Variants in SH2D3C observed in about 807,000 individuals in gnomAD.
SH2D3C encodes the protein SH2 domain-containing protein 3C.
Under a neutral mutation model 75.2 loss-of-function variants are expected in SH2D3C, and 25 were observed. The ratio of observed to expected loss-of-function variants is 0.33; its 90% CI spans 0.24 to 0.46. SH2D3C has a LOEUF of 0.46. Ranked by LOEUF, SH2D3C falls within the 20% of genes least tolerant of loss-of-function variation. The pLI is 1.00. For synonymous variants in SH2D3C, 450 were observed against 473.7 expected (o/e 0.95, Z 0.65); for missense variants, 933 against 1,165.3 (o/e 0.80, Z 2.90).
At chr9:127,762,480 A>C (rs1588517326) in intron 2 of SH2D3C, 1 of 488,718 alleles carries the variant, frequency 2.0e-6, no homozygotes, top group Non-Finnish European at 4.1e-6. Flanking sequence ...CCCCCTCCCC[A>C]TCTTCCCCGT....
rs199747871 is a variant in SH2D3C at position 127,774,280 on chromosome 9, G to A, written c.225C>T (p.Ser75=). 226 of 1,613,976 alleles carry A rather than the reference G, an allele frequency of 1.4e-4. No homozygotes were observed. The highest frequency in any genetic ancestry group is 1.8e-4 in the Non-Finnish European group (208 of 1,180,006). ...PAYARSSDMY[S]HMGTMPRPSI... ...TGGGGCGAGGCATGGTGCCCATGTGGCTGTACATGTCACTGGAGCGGGCAT... is the reference window on the plus strand; with the variant it reads ...TGGGGCGAGGCATGGTGCCCATGTGACTGTACATGTCACTGGAGCGGGCAT... The change falls in exon 2 of 12, where the codon AGC becomes AGT. Residue 75 remains serine, a synonymous_variant. Transcript: ENST00000314830. The surrounding 1 kb of genome is among the most constrained non-coding windows in gnomAD (Gnocchi z 4.3).
chr9:127,748,635 C>T (rs554327023), intron 5 of SH2D3C, among the ~76,000 whole-genome samples: 10 of 152,212 alleles, frequency 6.6e-5, no homozygotes, highest in Non-Finnish European at 8.8e-5. Flanking sequence ...TGAGATTGGG[C>T]ACATACAGCA....
intron 2 of SH2D3C, among the ~76,000 whole-genome samples, chr9:127,770,350 C>T (rs985374142): frequency 6.6e-6 from 1 of 152,174 alleles, no homozygotes; most frequent in Non-Finnish European, 1.5e-5. Context: ...CCTCTAGACA[C>T]TCAGGAACAG....
intron 1 of SH2D3C, among the ~76,000 whole-genome samples, chr9:127,777,624 G>T (rs1829047370): frequency 6.6e-6 from 1 of 152,132 alleles, no homozygotes; most frequent in South Asian, 2.1e-4. Flanking sequence ...GCGGGCAGGG[G>T]ATGGAGTGTG....
rs995199791 is a variant in SH2D3C, at chr9:127,774,904, A to G, written c.38-437T>C. 1.3e-5 allele frequency among the ~76,000 whole-genome samples: 2 copies of G among 152,138 alleles called. No homozygotes were observed. The highest frequency in any genetic ancestry group is 4.8e-5 in the African/African-American group (2 of 41,422). On this transcript the variant is annotated intron_variant, in intron 1 of 11. Transcript: ENST00000314830. This position sits in a 1 kb window ranked among gnomAD's most constrained non-coding sequence, Gnocchi z 4.3. ...CAGGAGTTCGAGACCAGCCTGGACA[A>G]CATGATGAAACCCCTTCTCTACTAA...
intron 9 of SH2D3C, among the ~76,000 whole-genome samples, chr9:127,740,872 G>C (rs565904246): frequency 1.3e-5 from 2 of 152,064 alleles, no homozygotes; most frequent in Non-Finnish European, 2.9e-5. Flanking sequence ...TAGTAGAGAC[G>C]GGGTTTCACC....
At position 127,754,134 on chromosome 9, in the gene SH2D3C, GCA is replaced by G. The variant is rs1845283136; in HGVS notation, c.556-2836_556-2835del. Among the ~76,000 whole-genome samples the G allele has an allele frequency of 6.6e-6, 1 of 152,190 alleles. No homozygotes were observed. Among genetic ancestry groups the G allele is most frequent in the Non-Finnish European group, 1.5e-5 (1 of 68,004 alleles). On this transcript the variant is annotated intron_variant, in intron 3 of 11. Transcript: ENST00000314830. This position sits in a 1 kb window ranked among gnomAD's most constrained non-coding sequence, Gnocchi z 4.4. ...GAGTTGGGGGTGCTGGGGTGCGAAT[GCA>G]GCATCCCTGCGCTCGGCGCCCTGCT...
chr9:127,749,095 C>T lies in SH2D3C; in HGVS notation c.1139+116G>A. On this transcript the variant is annotated intron_variant, in intron 5 of 11. Coordinates refer to ENST00000314830, the MANE Select transcript of SH2D3C (RefSeq NM_170600.3). The surrounding 1 kb of genome is among the most constrained non-coding windows in gnomAD (Gnocchi z 5.9). ...CCAACCTTCCTCCCATTCCTCCCTG[C>T]ACACAGAGGCTCCAGGAGAGTAATT... 1.2e-6 allele frequency: 1 copy of T among 809,566 alleles called. No individual in the cohort carries two copies. The highest frequency in any genetic ancestry group is 2.0e-6 in the Non-Finnish European group (1 of 510,192). The allele number at this position is 809,566 out of a possible 1,614,324, so 50.1% of individuals were successfully genotyped here. A position where few individuals can be genotyped will look rare whatever the true frequency, so the allele number is the denominator to read the frequency against.
intron 2 of SH2D3C, among the ~76,000 whole-genome samples, chr9:127,767,833 GA>G: frequency 6.6e-6 from 1 of 152,366 alleles, no homozygotes; most frequent in South Asian, 2.1e-4. Flanking sequence ...GCTCAGAGAA[GA>G]AAAGGGACTG....
intron 9 of SH2D3C, 39 bp downstream of exon 9, chr9:127,741,745 CCAGA>C (rs1844861795): frequency 1.3e-6 from 2 of 1,598,714 alleles, no homozygotes; most frequent in Admixed American, 3.4e-5. Flanking sequence ...CAGGGCTCTT[CCAGA>C]CAGTCTACCG....
intron 2 of SH2D3C, chr9:127,767,099 T>G: frequency 6.5e-7 from 1 of 1,536,154 alleles, no homozygotes; most frequent in African/African-American, 1.4e-5. Context: ...CCCAGCACAT[T>G]CTGCTCCCTC....
intron 2 of SH2D3C, among the ~76,000 whole-genome samples, chr9:127,763,194 C>T (rs1183222745): frequency 2.0e-5 from 3 of 152,218 alleles, no homozygotes; most frequent in Admixed American, 6.5e-5. Context: ...GTCACCTCTT[C>T]GGAGAAGCCT....
At chr9:127,753,638 G>C (rs569821070) in intron 3 of SH2D3C, among the ~76,000 whole-genome samples, 2 of 152,256 alleles carry the variant, frequency 1.3e-5, no homozygotes, top group South Asian at 4.1e-4. Flanking sequence ...CCTACTTCTG[G>C]GGGTCCCTGG....
chr9:127,742,256 G>C (rs997729681), intron 8 of SH2D3C, among the ~76,000 whole-genome samples: 1 of 151,986 alleles, frequency 6.6e-6, no homozygotes, highest in Non-Finnish European at 1.5e-5. Flanking sequence ...TGTTTTTTGA[G>C]ACGGAGTCTC....
At chr9:127,763,981 C>G (rs1564422791) in intron 2 of SH2D3C, among the ~76,000 whole-genome samples, 1 of 152,182 alleles carries the variant, frequency 6.6e-6, no homozygotes. Context: ...CCCCCAGCCA[C>G]CTCCGCCCAC....
intron 3 of SH2D3C, among the ~76,000 whole-genome samples, chr9:127,753,735 C>A (rs1845270053): frequency 6.6e-6 from 1 of 152,192 alleles, no homozygotes. Context: ...GGAGAGTGGG[C>A]GTCACAGGGA....
At position 127,745,031 on chromosome 9, in the gene SH2D3C, G is replaced by T; in HGVS notation, c.1333C>A (p.Arg445Ser). The change falls in exon 7 of 12, where the codon CGT (arginine) becomes AGT (serine). Residue 445 changes from arginine (R) to serine (S), a missense_variant. By Grantham distance (110) the Arg-to-Ser change is moderately radical. Transcript: ENST00000314830. ...TALPASPVAR[R>S]SSEPQLCPGS... ...GGACACAGCTGGGGCTCACTGGAAC[G>T]GCGGGCGACAGGGGAGGCAGGCAAT... The T allele has an allele frequency of 6.6e-7, 1 of 1,512,450 alleles. No individual in the cohort carries two copies. The highest frequency in any genetic ancestry group is 8.8e-7 in the Non-Finnish European group (1 of 1,131,004). 93.7% of individuals were successfully genotyped at this position (1,512,450 alleles called of 1,614,324 possible). A position where few individuals can be genotyped will look rare whatever the true frequency, so the allele number is the denominator to read the frequency against.
intron 2 of SH2D3C, among the ~76,000 whole-genome samples, chr9:127,763,153 T>C (rs1845570015): frequency 6.6e-6 from 1 of 152,204 alleles, no homozygotes; most frequent in Non-Finnish European, 1.5e-5. Flanking sequence ...AGCTTGTCCC[T>C]CCTCCCTCTT....
At position 127,765,340 on chromosome 9, in the gene SH2D3C, C is replaced by T. The variant is rs193121936; in HGVS notation, c.516-3690G>A. 8.9e-4 allele frequency among the ~76,000 whole-genome samples: 136 copies of T among 152,328 alleles called. 1 individual carries two copies. Among genetic ancestry groups the T allele is most frequent in the African/African-American group, 2.2e-3 (90 of 41,578 alleles). On this transcript the variant is annotated intron_variant, in intron 2 of 11. Transcript: ENST00000314830. ...ATTTCCTCTCATGCAGGGACTAGCTCCTCTCACTAGAATGTCAGCCCCACA... is the reference window on the plus strand; with the variant it reads ...ATTTCCTCTCATGCAGGGACTAGCTTCTCTCACTAGAATGTCAGCCCCACA...
Sources: allele counts gnomAD v4.1 joint callset (sites outside exome capture counted in the v4.1 genomes callset), GRCh38; gene constraint gnomAD v4.1.1; non-coding constraint Gnocchi (gnomAD v3.1); transcripts MANE v1.5; gene names NCBI Gene and HGNC (gene_info 2026-07-23, HGNC 2026-07-21).